Variants in XIRP2 observed in about 807,000 individuals in gnomAD.
XIRP2 encodes the protein xin actin-binding repeat-containing protein 2.
A neutral mutation model predicts 277.0 loss-of-function variants in XIRP2; 236 were observed. The observed-to-expected ratio is 0.85, with a 90% CI of 0.77 to 0.95. XIRP2 has a LOEUF of 0.95. Ranked by LOEUF, XIRP2 falls within the 40% of genes least tolerant of loss-of-function variation. The pLI, the probability that XIRP2 is intolerant of heterozygous loss-of-function variation, is 0.00. For synonymous variants in XIRP2, 1,490 were observed against 1,416.5 expected, an observed-to-expected ratio of 1.05 and a Z score of -1.17; for missense variants, 4,640 against 4,157.5, an observed-to-expected ratio of 1.12 and a Z score of -3.19.
chr2:167,194,675 G>A (rs1251303898), intron 3 of XIRP2, among the ~76,000 whole-genome samples: 1 of 151,978 alleles, frequency 6.6e-6, no homozygotes, highest in Non-Finnish European at 1.5e-5. Flanking sequence ...CTGGTTGAAC[G>A]CAGACTTTGG....
At position 167,251,711 on chromosome 2, in the gene XIRP2, A is replaced by G. The variant is rs201590055; in HGVS notation, c.10319A>G (p.His3440Arg). 2.1e-5 allele frequency: 34 copies of G among 1,613,410 alleles called. No homozygotes were observed. The African/African-American group carries it at 4.0e-4, about 19-fold the overall frequency. ...VESKMKTSSS[H>R]SSEAGKSGCD... is the part of the protein sequence containing the mutation. ...TCGAAGATGAAAACCTCTTCATCAC[A>G]TAGCTCAGAAGCTGGCAAATCTGGC... Residue 3440 changes from histidine to arginine, a missense_variant, in exon 9 of 11, where the codon CAT becomes CGT. His to Arg is a conservative substitution (Grantham distance 29, BLOSUM62 0). Coordinates refer to ENST00000409195, the MANE Select transcript of XIRP2 (RefSeq NM_152381.6).
chr2:166,901,306 A>G (rs1259338816), intron 1 of XIRP2, among the ~76,000 whole-genome samples: 2 of 152,046 alleles, frequency 1.3e-5, no homozygotes. Flanking sequence ...TCAGGTCCCA[A>G]GGTTCCTAGG....
chr2:167,149,801 T>C (rs1421902244), intron 3 of XIRP2, among the ~76,000 whole-genome samples: 3 of 152,074 alleles, frequency 2.0e-5, no homozygotes, highest in Non-Finnish European at 4.4e-5. Flanking sequence ...CTTTGTTCTG[T>C]TGCAATAATA....
rs533432961 is a variant in XIRP2 at position 167,110,770 on chromosome 2, C to T, written c.409-25139C>T. Reference sequence around the variant, plus strand: ...CTGTACATTGCTTTGGGCAGTATAGCTATTTTAATGATATTATTCTTCCTA... The same window carrying T: ...CTGTACATTGCTTTGGGCAGTATAGTTATTTTAATGATATTATTCTTCCTA... On this transcript the variant is annotated intron_variant, in intron 2 of 10. Coordinates refer to ENST00000409195, the MANE Select transcript of XIRP2 (RefSeq NM_152381.6). Among the ~76,000 whole-genome samples, 4 of 152,190 alleles carry T rather than the reference C, an allele frequency of 2.6e-5. No individual in the cohort carries two copies. The South Asian group carries it at 6.2e-4, about 24-fold the overall frequency.
chr2:166,925,610 T>C (rs560480802), intron 2 of XIRP2, among the ~76,000 whole-genome samples: 1 of 145,214 alleles, frequency 6.9e-6, no homozygotes. Context: ...TATATATATA[T>C]ATATATATAT....
At chr2:167,127,954 G>A (rs182026765) in intron 2 of XIRP2, among the ~76,000 whole-genome samples, 4 of 152,320 alleles carry the variant, frequency 2.6e-5, no homozygotes, top group Admixed American at 2.0e-4. Context: ...GCGTGTGCTG[G>A]ATTCCCCCAG....
rs1340932615 is a variant in XIRP2 at position 166,998,876 on chromosome 2, G to A, written c.408+94986G>A. ...CCTGAGGTCTCATGCTGCCTGATTG[G>A]TGAATTGCTGAATGCTTAAAGAAAC... On this transcript the variant is annotated intron_variant, in intron 2 of 10. Coordinates refer to ENST00000409195, the MANE Select transcript of XIRP2 (RefSeq NM_152381.6). Among the ~76,000 whole-genome samples, 4 of 152,146 alleles carry A rather than the reference G, an allele frequency of 2.6e-5. No homozygotes were observed. The East Asian group carries it at 7.7e-4, about 29-fold the overall frequency.
rs531801423 is a variant in XIRP2 at position 167,165,126 on chromosome 2, C to A, written c.562+29064C>A. Among the ~76,000 whole-genome samples, 51 of 152,248 alleles carry A rather than the reference C, an allele frequency of 3.3e-4. 2 individuals are homozygous for A. In the South Asian group the frequency reaches 0.01, roughly 30 times the overall value. ...GTAGCCTTTTCAGACTAGCTTCTTT[C>A]ATTTAGTAATATGCATTTAGGTTTC... On this transcript the variant is annotated intron_variant, in intron 3 of 10. Coordinates refer to ENST00000409195, the MANE Select transcript of XIRP2 (RefSeq NM_152381.6).
chr2:167,090,871 A>G (rs1690121943), intron 2 of XIRP2, among the ~76,000 whole-genome samples: 1 of 151,964 alleles, frequency 6.6e-6, no homozygotes, highest in African/African-American at 2.4e-5. Flanking sequence ...CATAACCCAA[A>G]CACCATCCAC....
intron 3 of XIRP2, among the ~76,000 whole-genome samples, chr2:167,162,440 C>T (rs1340576513): frequency 1.3e-5 from 2 of 152,104 alleles, no homozygotes; most frequent in Non-Finnish European, 2.9e-5. Flanking sequence ...AGGTAGAAGA[C>T]ACATATCACA....
At chr2:166,900,463 G>A (rs1684353615) in intron 1 of XIRP2, among the ~76,000 whole-genome samples, 2 of 151,972 alleles carry the variant, frequency 1.3e-5, no homozygotes, top group South Asian at 2.1e-4. Context: ...TGCAACACCT[G>A]TATCATGTCA....
chr2:167,250,983 C>T lies in XIRP2; in HGVS notation c.9591C>T (p.Ile3197=). The T allele has an allele frequency of 6.2e-7, 1 of 1,613,660 alleles. No individual in the cohort carries two copies. Among genetic ancestry groups the T allele is most frequent in the Non-Finnish European group, 8.5e-7 (1 of 1,179,734 alleles). The change falls in exon 9 of 11, where the codon ATC becomes ATT. Residue 3197 remains isoleucine (I), a synonymous_variant. Coordinates refer to ENST00000409195, the MANE Select transcript of XIRP2 (RefSeq NM_152381.6). ...CTGCAAAGTTATCCAAAGGGGCCAT[C>T]CCATGTCCAGCAGCAACCCCGGTTC... is the stretch of plus-strand genomic sequence containing the variant. ...DTTAKLSKGA[I]PCPAATPVPI... is the part of the protein sequence containing the mutation.
chr2:167,134,918 G>A (rs902885966), intron 2 of XIRP2, among the ~76,000 whole-genome samples: 2 of 152,088 alleles, frequency 1.3e-5, no homozygotes, highest in African/African-American at 4.8e-5. Flanking sequence ...CTGGGCAGAT[G>A]GAGTGATCCT....
At position 167,009,453 on chromosome 2, in the gene XIRP2, C is replaced by A. The variant is rs193014315; in HGVS notation, c.408+105563C>A. Among the ~76,000 whole-genome samples, 28 of 151,984 alleles carry A rather than the reference C, an allele frequency of 1.8e-4. No homozygotes were observed. In the East Asian group the frequency reaches 2.7e-3, roughly 15 times the overall value. On this transcript the variant is annotated intron_variant, in intron 2 of 10. Coordinates refer to ENST00000409195, the MANE Select transcript of XIRP2 (RefSeq NM_152381.6). ...TGTATATGTGCCACATTTTCTTAAT[C>A]CAGTGTATCATTGTCGGACATTGGG... is the stretch of plus-strand genomic sequence containing the variant.
chr2:167,178,708 C>T lies in XIRP2; in HGVS notation c.563-32027C>T, dbSNP rs545964543. Among the ~76,000 whole-genome samples the T allele has an allele frequency of 4.6e-5, 7 of 151,854 alleles. No homozygotes were observed. The East Asian group carries it at 1.4e-3, about 29-fold the overall frequency. On this transcript the variant is annotated intron_variant, in intron 3 of 10. Transcript: ENST00000409195. ...GATGAAATTTAAAATTTGATGACCA[C>T]CTTAAGGTGTTTTTCTGGACCACTC... is the stretch of plus-strand genomic sequence containing the variant.
intron 2 of XIRP2, among the ~76,000 whole-genome samples, chr2:167,123,621 C>T (rs988321131): frequency 2.6e-5 from 4 of 152,094 alleles, no homozygotes; most frequent in Admixed American, 6.6e-5. Flanking sequence ...GGCCTCTCTC[C>T]GTGGCTTGCA....
intron 2 of XIRP2, among the ~76,000 whole-genome samples, chr2:167,109,671 A>G (rs1002620286): frequency 2.6e-5 from 4 of 152,198 alleles, no homozygotes; most frequent in African/African-American, 9.7e-5. Flanking sequence ...CGATGAACAT[A>G]TATATGCATG....
intron 2 of XIRP2, among the ~76,000 whole-genome samples, chr2:167,023,925 A>G (rs1055909259): frequency 6.6e-6 from 1 of 152,060 alleles, no homozygotes; most frequent in African/African-American, 2.4e-5. Flanking sequence ...CTTAGGATTG[A>G]CTTGGTGATG....
intron 1 of XIRP2, among the ~76,000 whole-genome samples, chr2:166,891,055 G>A (rs917847315): frequency 2.6e-5 from 4 of 152,164 alleles, no homozygotes; most frequent in African/African-American, 4.8e-5. Context: ...ATCTGGCGAC[G>A]TATGTCCATC....
Sources: gnomAD v4.1 joint callset for allele counts (sites outside exome capture counted in the v4.1 genomes callset) on GRCh38, gnomAD v4.1.1 for gene constraint, MANE v1.5 for transcripts, NCBI Gene and HGNC (gene_info 2026-07-23, HGNC 2026-07-21) for gene names.